Variants in PIR observed in about 807,000 individuals in gnomAD.
The protein encoded by PIR is pirin (iron-binding nuclear protein).
PIR carries 22 observed loss-of-function variants against 24.2 expected under a neutral mutation model. The ratio of observed to expected loss-of-function variants is 0.91; its 90% CI spans 0.65 to 1.30. PIR has a LOEUF of 1.30. Among genes scored for constraint, PIR ranks in the 50% most tolerant of loss-of-function variants. The pLI, the probability that PIR is intolerant of heterozygous loss-of-function variation, is 0.00. For missense variants in PIR, 220 were observed against 220.3 expected, an observed-to-expected ratio of 1.00 and a Z score of 0.01; for synonymous variants, 80 against 79.6, an observed-to-expected ratio of 1.00 and a Z score of -0.03.
chrX:15,452,156 G>C (rs1371913381), intron 5 of PIR, among the ~76,000 whole-genome samples: 1 of 111,811 alleles, frequency 8.9e-6, no homozygotes, highest in Non-Finnish European at 1.9e-5. Flanking sequence ...AGAATTTAGA[G>C]CAGCAGGAGG....
At chrX:15,431,555 G>T (rs956918638) in intron 5 of PIR, among the ~76,000 whole-genome samples, 2 of 110,017 alleles carry the variant, frequency 1.8e-5, no homozygotes, top group Non-Finnish European at 1.9e-5. Context: ...GTCTCCTATT[G>T]TTAGAAAGTT....
intron 9 of PIR, among the ~76,000 whole-genome samples, chrX:15,389,416 T>C (rs889119512): frequency 1.8e-5 from 2 of 112,132 alleles, no homozygotes; most frequent in Non-Finnish European, 3.8e-5. Context: ...CATGAGCAGC[T>C]GGGGTTTATC....
intron 7 of PIR, among the ~76,000 whole-genome samples, chrX:15,405,008 C>CTCAG (rs1924511122): frequency 9.0e-6 from 1 of 111,488 alleles, no homozygotes; most frequent in Non-Finnish European, 1.9e-5. Context: ...ATAGAAATGA[C>CTCAG]TCAGGAAAAT....
At chrX:15,465,275 T>TG (rs1336591339) in intron 3 of PIR, among the ~76,000 whole-genome samples, 10 of 49,740 alleles carry the variant, frequency 2.0e-4, no homozygotes, top group African/African-American at 1.9e-3. Flanking sequence ...TTTCAGCCTT[T>TG]GGGGAAAAAA....
intron 5 of PIR, among the ~76,000 whole-genome samples, chrX:15,446,392 T>C (rs1926104944): frequency 9.0e-6 from 1 of 110,899 alleles, no homozygotes. Flanking sequence ...CAAAATGGAT[T>C]CCCTGGGCCA....
chrX:15,445,592 G>A (rs1418050979), intron 5 of PIR, among the ~76,000 whole-genome samples: 1 of 111,313 alleles, frequency 9.0e-6, no homozygotes, highest in African/African-American at 3.3e-5. Context: ...ACGAAAAAGA[G>A]GTAAATTGTC....
intron 5 of PIR, among the ~76,000 whole-genome samples, chrX:15,439,544 C>G (rs909911554): frequency 8.0e-5 from 9 of 112,064 alleles, no homozygotes; most frequent in Non-Finnish European, 1.7e-4. Context: ...TGGCCACTTT[C>G]ATTTCCCATC....
intron 5 of PIR, among the ~76,000 whole-genome samples, chrX:15,447,407 C>G (rs745722803): frequency 8.1e-5 from 9 of 110,943 alleles, no homozygotes; most frequent in Non-Finnish European, 1.7e-4. Context: ...CTCCGCCTCG[C>G]GGGTTCACAC....
At chrX:15,464,362 C>T (rs1602285738) in intron 3 of PIR, 1 of 724,330 alleles carries the variant, frequency 1.4e-6, no homozygotes, top group Non-Finnish European at 1.6e-6. Flanking sequence ...GACTTTTATA[C>T]AATGGAAACA....
intron 5 of PIR, among the ~76,000 whole-genome samples, chrX:15,431,803 T>G (rs1925519061): frequency 9.1e-6 from 1 of 109,768 alleles, no homozygotes; most frequent in Admixed American, 9.8e-5. Context: ...TAGCAGTATC[T>G]GTTCTTGAAC....
At chrX:15,492,711 T>C (rs190912217) in intron 1 of PIR, among the ~76,000 whole-genome samples, 4 of 111,703 alleles carry the variant, frequency 3.6e-5, no homozygotes, top group African/African-American at 1.3e-4. Flanking sequence ...AGGGGTGCAG[T>C]TAGTGCTATG....
At chrX:15,414,134 T>A (rs1342869031) in intron 6 of PIR, among the ~76,000 whole-genome samples, 1 of 112,445 alleles carries the variant, frequency 8.9e-6, no homozygotes, top group Non-Finnish European at 1.9e-5. Context: ...CTGCTGATTA[T>A]TTTCTTGCTA....
At chrX:15,427,693 T>C (rs764405341) in intron 5 of PIR, among the ~76,000 whole-genome samples, 4 of 103,567 alleles carry the variant, frequency 3.9e-5, no homozygotes, top group African/African-American at 1.0e-4. Flanking sequence ...TGACAGTACA[T>C]ACACACACAC....
At chrX:15,402,169 G>A in intron 7 of PIR, among the ~76,000 whole-genome samples, 1 of 111,552 alleles carries the variant, frequency 9.0e-6, no homozygotes, top group Non-Finnish European at 1.9e-5. Context: ...TTTAGGTGTG[G>A]TGGTGCACAC....
chrX:15,462,088 A>G (rs1921328780), intron 3 of PIR, among the ~76,000 whole-genome samples: 1 of 112,104 alleles, frequency 8.9e-6, no homozygotes, highest in Non-Finnish European at 1.9e-5. Flanking sequence ...CAAGACTTGC[A>G]TCAACTCTAA....
chrX:15,447,885 T>C, intron 5 of PIR, among the ~76,000 whole-genome samples: 1 of 112,170 alleles, frequency 8.9e-6, no homozygotes, highest in East Asian at 2.8e-4. Context: ...GTTTTTTTAA[T>C]AGCTTTTATT....
intron 5 of PIR, among the ~76,000 whole-genome samples, chrX:15,440,361 C>G (rs1304451088): frequency 9.0e-6 from 1 of 111,178 alleles, no homozygotes; most frequent in African/African-American, 3.3e-5. Context: ...ATGTAACCAC[C>G]ATATTTCACT....
intron 6 of PIR, among the ~76,000 whole-genome samples, chrX:15,424,679 T>C (rs1925247135): frequency 8.9e-6 from 1 of 112,119 alleles, no homozygotes; most frequent in South Asian, 3.7e-4. Context: ...AATATGTACA[T>C]CTATTGTGTT....
At chrX:15,480,327 T>G (rs1478932560) in intron 2 of PIR, among the ~76,000 whole-genome samples, 3 of 111,316 alleles carry the variant, frequency 2.7e-5, no homozygotes, top group Non-Finnish European at 5.7e-5. Flanking sequence ...TATGTCCTTA[T>G]CAGCAGCATG....
Sources: allele counts gnomAD v4.1 joint callset (sites outside exome capture counted in the v4.1 genomes callset), GRCh38; gene constraint gnomAD v4.1.1; transcripts MANE v1.5; gene names NCBI Gene and HGNC (gene_info 2026-07-23, HGNC 2026-07-21).